The following GBE1 variants were observed in gnomAD, a reference collection of about 807,000 sequenced individuals.
The protein encoded by GBE1 is 1,4-alpha-glucan branching enzyme 1.
GBE1 carries 70 observed loss-of-function variants against 88.8 expected under a neutral mutation model. The ratio of observed to expected loss-of-function variants is 0.79; its 90% CI spans 0.65 to 0.96. GBE1 has a LOEUF of 0.96. GBE1 is among the 40% of genes least tolerant of loss of function. The pLI, the probability that GBE1 is intolerant of heterozygous loss-of-function variation, is 0.00. For synonymous variants in GBE1, 284 were observed against 300.1 expected, an observed-to-expected ratio of 0.95 and a Z score of 0.56; for missense variants, 872 against 871.0, an observed-to-expected ratio of 1.00 and a Z score of -0.01.
chr3:81,673,703 C>T (rs1345842119), intron 2 of GBE1, among the ~76,000 whole-genome samples: 1 of 151,846 alleles, frequency 6.6e-6, no homozygotes, highest in Non-Finnish European at 1.5e-5. Flanking sequence ...AACTATGTCG[C>T]ATTTTTCTTT....
At chr3:81,683,036 C>T (rs1705374277) in intron 2 of GBE1, among the ~76,000 whole-genome samples, 1 of 152,066 alleles carries the variant, frequency 6.6e-6, no homozygotes, top group Admixed American at 6.5e-5. Context: ...ATATTGAACA[C>T]CAGCAGATTC....
Position 81,526,356 on chromosome 3 carries a change from G to T in GBE1, c.1934+8839C>A, listed in dbSNP as rs1702944391. Among the ~76,000 whole-genome samples the T allele has an allele frequency of 5.3e-5, 8 of 151,074 alleles. No individual in the cohort carries two copies. In the South Asian group the frequency reaches 1.7e-3, roughly 31 times the overall value. ...CACCACTCCTATTCAACATAGTGTT[G>T]GAAGTTCTGGCCAGGGCAATCAGGC... On this transcript the variant is annotated intron_variant, in intron 14 of 15. Transcript: ENST00000429644.
At position 81,623,848 on chromosome 3, in the gene GBE1, T is replaced by A. The variant is rs1704365217; in HGVS notation, c.992+18933A>T. On this transcript the variant is annotated intron_variant, in intron 7 of 15. Coordinates refer to ENST00000429644, the MANE Select transcript of GBE1 (RefSeq NM_000158.4). ...CCTGGCTATTTTTATTTTCATTTTT[T>A]AAATAAAGATGGGGGTCTCACTATG... Among the ~76,000 whole-genome samples the A allele has an allele frequency of 2.6e-5, 4 of 152,100 alleles. No individual in the cohort carries two copies. The South Asian group carries it at 8.3e-4, about 32-fold the overall frequency.
At chr3:81,714,743 G>C (rs1417822335) in intron 1 of GBE1, among the ~76,000 whole-genome samples, 1 of 152,152 alleles carries the variant, frequency 6.6e-6, no homozygotes, top group African/African-American at 2.4e-5. Context: ...TAAAAAACAA[G>C]CATTTATTTC....
At chr3:81,602,492 G>T (rs1704046635) in intron 7 of GBE1, among the ~76,000 whole-genome samples, 1 of 152,160 alleles carries the variant, frequency 6.6e-6, no homozygotes, top group African/African-American at 2.4e-5. Flanking sequence ...AGCATGGTCA[G>T]ATTCTGATGA....
intron 1 of GBE1, among the ~76,000 whole-genome samples, chr3:81,718,811 T>C (rs962065138): frequency 6.6e-6 from 1 of 152,060 alleles, no homozygotes; most frequent in African/African-American, 2.4e-5. Flanking sequence ...TAATTTTGTA[T>C]TTTTGTAGAG....
chr3:81,554,249 A>G (rs1703317015), intron 12 of GBE1, among the ~76,000 whole-genome samples: 2 of 152,234 alleles, frequency 1.3e-5, no homozygotes, highest in Admixed American at 1.3e-4. Flanking sequence ...TAAGTTAAAA[A>G]TAACTCAGAA....
chr3:81,628,729 GA>G (rs1704455253), intron 7 of GBE1, among the ~76,000 whole-genome samples: 2 of 109,534 alleles, frequency 1.8e-5, no homozygotes, highest in Non-Finnish European at 3.6e-5. Context: ...ATATAAAGGA[GA>G]AAGAACAATT....
At chr3:81,671,136 T>TA (rs1281395605) in intron 2 of GBE1, among the ~76,000 whole-genome samples, 183 bp from the exon 3 acceptor site, 2 of 152,202 alleles carry the variant, frequency 1.3e-5, no homozygotes, top group African/African-American at 4.8e-5. Flanking sequence ...AATTTATTTA[T>TA]AAAAAATGCA....
chr3:81,653,987 C>T (rs1704892102), intron 3 of GBE1, among the ~76,000 whole-genome samples: 1 of 152,058 alleles, frequency 6.6e-6, no homozygotes, highest in Non-Finnish European at 1.5e-5. Flanking sequence ...TTAAGGTGTA[C>T]ATCTTGCGTA....
intron 14 of GBE1, among the ~76,000 whole-genome samples, chr3:81,519,030 T>C (rs1702836195): frequency 6.6e-6 from 1 of 151,594 alleles, no homozygotes; most frequent in Admixed American, 6.6e-5. Flanking sequence ...AGTTAGCTAA[T>C]CCTAAATTAA....
chr3:81,550,232 T>C (rs1703254104), intron 12 of GBE1, among the ~76,000 whole-genome samples: 1 of 151,562 alleles, frequency 6.6e-6, no homozygotes, highest in Non-Finnish European at 1.5e-5. Context: ...TTACTCAATG[T>C]TCTCTGAAAC....
chr3:81,535,488 G>A (rs1390185296), intron 13 of GBE1, among the ~76,000 whole-genome samples, 163 bp from the exon 14 acceptor site: 1 of 151,892 alleles, frequency 6.6e-6, no homozygotes, highest in Admixed American at 6.6e-5. Flanking sequence ...ACCTAACTGT[G>A]AGCCAAGAAC....
At chr3:81,616,329 A>T (rs571906888) in intron 7 of GBE1, among the ~76,000 whole-genome samples, 1 of 152,204 alleles carries the variant, frequency 6.6e-6, no homozygotes, top group African/African-American at 2.4e-5. Flanking sequence ...TTATTTTTCT[A>T]ACATTTTCAC....
chr3:81,587,572 T>C (rs961789067), intron 9 of GBE1, among the ~76,000 whole-genome samples: 10 of 152,174 alleles, frequency 6.6e-5, no homozygotes, highest in African/African-American at 2.4e-4. Context: ...AATTACACAT[T>C]AAGCATTTAC....
At chr3:81,540,745 T>C (rs1292577513) in intron 12 of GBE1, among the ~76,000 whole-genome samples, 3 of 152,054 alleles carry the variant, frequency 2.0e-5, no homozygotes, top group African/African-American at 7.2e-5. Flanking sequence ...AAAGACAGAA[T>C]TGAAAATGAA....
intron 2 of GBE1, among the ~76,000 whole-genome samples, 187 bp downstream of exon 2, chr3:81,705,257 T>C (rs1485670007): frequency 6.6e-6 from 1 of 152,092 alleles, no homozygotes; most frequent in Non-Finnish European, 1.5e-5. Flanking sequence ...AATACACATA[T>C]CACATTATAA....
chr3:81,535,155 G>A lies in GBE1; in HGVS notation c.1934+40C>T, dbSNP rs1485860839. 4.0e-6 allele frequency: 6 copies of A among 1,494,000 alleles called. No homozygotes were observed. In the African/African-American group the frequency reaches 8.6e-5, roughly 21 times the overall value. 92.5% of individuals were successfully genotyped at this position (1,494,000 alleles called of 1,614,324 possible). A position where few individuals can be genotyped will look rare whatever the true frequency, so the allele number is the denominator to read the frequency against. On this transcript the variant is annotated intron_variant, in intron 14 of 15. Transcript: ENST00000429644. ...TTGTCCTATAATGTAATAAAGAAGT[G>A]AATGTGGACAGTCATATTCACTGGT... is the stretch of plus-strand genomic sequence containing the variant.
intron 1 of GBE1, among the ~76,000 whole-genome samples, chr3:81,726,435 A>T (rs1706112935): frequency 6.6e-6 from 1 of 152,226 alleles, no homozygotes; most frequent in East Asian, 1.9e-4. Context: ...TGGGACTCTC[A>T]GTGTAACAGG....
Sources: allele counts gnomAD v4.1 joint callset (sites outside exome capture counted in the v4.1 genomes callset), GRCh38; gene constraint gnomAD v4.1.1; transcripts MANE v1.5; gene names NCBI Gene and HGNC (gene_info 2026-07-23, HGNC 2026-07-21).